The following PID1 variants were observed in gnomAD, a reference collection of about 807,000 sequenced individuals.
PID1 encodes phosphotyrosine interaction domain containing 1.
A neutral mutation model predicts 19.1 loss-of-function variants in PID1; 10 were observed. That is an observed-to-expected ratio of 0.52 (90% confidence interval 0.32 to 0.89). The LOEUF is 0.89. PID1 is among the 40% of genes least tolerant of loss of function. The pLI is 0.03. For missense variants in PID1, 248 were observed against 285.3 expected, an observed-to-expected ratio of 0.87 and a Z score of 0.94; for synonymous variants, 130 against 116.0, an observed-to-expected ratio of 1.12 and a Z score of -0.78.
chr2:229,257,948 A>G (rs34097052), intron 1 of PID1, among the ~76,000 whole-genome samples: 31,635 of 152,220 alleles, frequency 0.21, 3,939 homozygotes, highest in Non-Finnish European at 0.28. Context: ...ATGGTTTTGC[A>G]TGATGGATTT....
At chr2:229,128,544 C>T (rs998573784) in intron 2 of PID1, among the ~76,000 whole-genome samples, 2 of 151,978 alleles carry the variant, frequency 1.3e-5, no homozygotes, top group African/African-American at 4.8e-5. Context: ...TCGACTTACA[C>T]CAGATAACAA....
intron 2 of PID1, among the ~76,000 whole-genome samples, chr2:229,069,828 C>T (rs1273240893): frequency 6.6e-6 from 1 of 152,116 alleles, no homozygotes; most frequent in African/African-American, 2.4e-5. Context: ...ATAATATTTT[C>T]CTTTAAATGT....
intron 1 of PID1, among the ~76,000 whole-genome samples, chr2:229,190,212 T>C (rs192899099): frequency 1.9e-3 from 289 of 152,326 alleles, no homozygotes; most frequent in Middle Eastern, 0.01. Flanking sequence ...CCTAACAAGA[T>C]GTGTCAATTT....
intron 2 of PID1, among the ~76,000 whole-genome samples, chr2:229,123,711 T>C (rs147224830): frequency 1.3e-5 from 2 of 152,336 alleles, no homozygotes; most frequent in African/African-American, 4.8e-5. Flanking sequence ...TTCATTCAAG[T>C]GGGTATAAAG....
chr2:229,180,367 G>A (rs941054130), intron 1 of PID1, among the ~76,000 whole-genome samples: 1 of 152,140 alleles, frequency 6.6e-6, no homozygotes, highest in Non-Finnish European at 1.5e-5. Context: ...AATAATTATC[G>A]CTTAATAAGT....
chr2:229,249,733 G>A (rs1256807399), intron 1 of PID1, among the ~76,000 whole-genome samples: 2 of 152,292 alleles, frequency 1.3e-5, no homozygotes, highest in East Asian at 3.9e-4. Flanking sequence ...GGCAGAAGAG[G>A]GGCAACTTCA....
rs150130588 is a variant in PID1, at chr2:229,126,054, T to C, written c.177+29764A>G. Among the ~76,000 whole-genome samples the C allele has an allele frequency of 2.7e-3, 417 of 152,296 alleles. 1 individual carries two copies. The highest frequency in any genetic ancestry group is 9.6e-3 in the African/African-American group (401 of 41,568). On this transcript the variant is annotated intron_variant, in intron 2 of 2. Transcript: ENST00000392055. ...CATAGTTATACAGCCTAATTTCTCC[T>C]TGAAGCCATCCCGCAAAGATCCTAA...
At chr2:229,073,545 T>G (rs1694500270) in intron 2 of PID1, among the ~76,000 whole-genome samples, 1 of 152,202 alleles carries the variant, frequency 6.6e-6, no homozygotes, top group Non-Finnish European at 1.5e-5. Flanking sequence ...GAACTAACCC[T>G]ATCCCCCACG....
At chr2:229,029,928 T>C (rs1481570035) in intron 2 of PID1, among the ~76,000 whole-genome samples, 2 of 152,062 alleles carry the variant, frequency 1.3e-5, no homozygotes, top group Non-Finnish European at 2.9e-5. Flanking sequence ...TTGAAAGATG[T>C]ATATCAAAGA....
intron 1 of PID1, among the ~76,000 whole-genome samples, chr2:229,180,224 G>T (rs1240637642): frequency 6.6e-6 from 1 of 152,058 alleles, no homozygotes; most frequent in African/African-American, 2.4e-5. Context: ...ACAGAACAGA[G>T]ATATTGGTCG....
At chr2:229,137,514 T>C (rs1264972873) in intron 2 of PID1, among the ~76,000 whole-genome samples, 1 of 152,238 alleles carries the variant, frequency 6.6e-6, no homozygotes, top group Non-Finnish European at 1.5e-5. Flanking sequence ...TTCAATCTGA[T>C]GTTTCCAATT....
At chr2:229,206,643 C>G (rs575482904) in intron 1 of PID1, among the ~76,000 whole-genome samples, 19 of 152,184 alleles carry the variant, frequency 1.2e-4, no homozygotes, top group Non-Finnish European at 2.1e-4. Flanking sequence ...AATATACTAA[C>G]AACTCCACGA....
intron 2 of PID1, among the ~76,000 whole-genome samples, chr2:229,031,776 A>T (rs112788533): frequency 3.9e-5 from 6 of 152,300 alleles, no homozygotes; most frequent in African/African-American, 1.4e-4. Context: ...GCTGTTATCC[A>T]TAATGGCCCA....
intron 2 of PID1, among the ~76,000 whole-genome samples, chr2:229,094,833 T>C (rs553751777): frequency 2.6e-5 from 4 of 151,922 alleles, no homozygotes; most frequent in African/African-American, 7.2e-5. Context: ...CTACAAGATC[T>C]ATAAGAAACT....
At chr2:229,160,365 GA>G (rs148808413) in intron 1 of PID1, among the ~76,000 whole-genome samples, 1 of 144,290 alleles carries the variant, frequency 6.9e-6, no homozygotes, top group Non-Finnish European at 1.6e-5. Flanking sequence ...AACAGAAAAA[GA>G]AAAAAGAAAA....
chr2:229,113,509 CAT>C (rs3067619), intron 2 of PID1, among the ~76,000 whole-genome samples: 5,693 of 138,164 alleles, frequency 0.041, 168 homozygotes, highest in East Asian at 0.17. Context: ...TGTGTGTATA[CAT>C]ATATATATAT....
intron 2 of PID1, among the ~76,000 whole-genome samples, chr2:229,066,563 T>C (rs116561260): frequency 8.0e-4 from 122 of 152,236 alleles, no homozygotes; most frequent in Non-Finnish European, 1.5e-3. Context: ...AGAGGCACCG[T>C]GACTCCTTCA....
intron 2 of PID1, among the ~76,000 whole-genome samples, chr2:229,141,779 C>A (rs137941804): frequency 1.3e-5 from 2 of 152,066 alleles, no homozygotes; most frequent in African/African-American, 4.8e-5. Flanking sequence ...TCTGAAGATG[C>A]CTGGTGACTC....
chr2:229,163,650 A>AGAGT (rs1347359078), intron 1 of PID1, among the ~76,000 whole-genome samples: 1 of 140,972 alleles, frequency 7.1e-6, no homozygotes, highest in African/African-American at 2.6e-5. Context: ...AGAGAGAGAG[A>AGAGT]GTGTGTGTGT....
Sources: allele counts gnomAD v4.1 joint callset (sites outside exome capture counted in the v4.1 genomes callset), GRCh38; gene constraint gnomAD v4.1.1; transcripts MANE v1.5; gene names NCBI Gene and HGNC (gene_info 2026-07-23, HGNC 2026-07-21).